The following ANK3 variants were observed in gnomAD, a reference collection of about 807,000 sequenced individuals.
ANK3 encodes the protein ankyrin 3, also known as ankyrin-3.
ANK3 carries 57 observed loss-of-function variants against 370.9 expected under a neutral mutation model. That is an observed-to-expected ratio of 0.15 (90% CI 0.12 to 0.19). The LOEUF (loss-of-function observed/expected upper bound fraction) is 0.19. ANK3 is among the 10% of genes least tolerant of loss of function. ANK3 has a pLI of 1.00. For missense variants in ANK3, 4,439 were observed against 5,302.1 expected (o/e 0.84, Z 5.06); for synonymous variants, 1,929 against 1,946.3 (o/e 0.99, Z 0.23).
chr10:60,498,387 C>CTTTTTA (rs1166385509), intron 2 of ANK3, among the ~76,000 whole-genome samples: 1 of 152,086 alleles, frequency 6.6e-6, no homozygotes, highest in Non-Finnish European at 1.5e-5. Flanking sequence ...ACTTCATGAC[C>CTTTTTA]TTTTTATTTT....
intron 26 of ANK3, among the ~76,000 whole-genome samples, chr10:60,112,718 C>T (rs1054280650): frequency 2.6e-5 from 4 of 152,036 alleles, no homozygotes; most frequent in Admixed American, 2.6e-4. Flanking sequence ...ATAAATGAGA[C>T]AATACATGTA....
chr10:60,317,408 G>A (rs1464891142), intron 1 of ANK3, among the ~76,000 whole-genome samples: 1 of 152,120 alleles, frequency 6.6e-6, no homozygotes, highest in Non-Finnish European at 1.5e-5. Flanking sequence ...ACAGGCATGA[G>A]CCACTGTGCC....
chr10:60,177,747 G>A (rs1185031534), intron 18 of ANK3, among the ~76,000 whole-genome samples: 2 of 151,764 alleles, frequency 1.3e-5, no homozygotes, highest in East Asian at 1.9e-4. Flanking sequence ...ACAGGCACCC[G>A]CCACCATGCC....
Position 60,614,719 on chromosome 10 carries a change from C to T in ANK3, c.96+467G>A, listed in dbSNP as rs139179188. 7.2e-5 allele frequency among the ~76,000 whole-genome samples: 11 copies of T among 152,326 alleles called. No individual in the cohort carries two copies. In the East Asian group the frequency reaches 9.6e-4, roughly 13 times the overall value. On this transcript the variant is annotated intron_variant, in intron 2 of 43. Coordinates refer to the ANK3 transcript ENST00000373827. ...TTCACTATTAAAATAATTGAAGTGACTCTCCTTTTTCTAATTCCAGATCTA... is the reference window on the plus strand; with the variant it reads ...TTCACTATTAAAATAATTGAAGTGATTCTCCTTTTTCTAATTCCAGATCTA...
At chr10:60,403,656 C>T (rs993180099) in intron 2 of ANK3, among the ~76,000 whole-genome samples, 9 of 152,214 alleles carry the variant, frequency 5.9e-5, no homozygotes, top group East Asian at 1.9e-4. Flanking sequence ...GGCGCGATCT[C>T]GGCTCATTGC....
At position 60,072,288 on chromosome 10, in the gene ANK3, A is replaced by C; in HGVS notation, c.8593T>G (p.Ser2865Ala). 1 of 1,614,052 alleles carries C rather than the reference A, an allele frequency of 6.2e-7. No individual in the cohort carries two copies. The highest frequency in any genetic ancestry group is 8.5e-7 in the Non-Finnish European group (1 of 1,180,002). Reference protein sequence around the residue: ...WESSGATNNKSQKEKLSHVLV... With the variant: ...WESSGATNNKAQKEKLSHVLV... Reference sequence around the variant, plus strand: ...ACATGCGAAAGTTTTTCTTTCTGAGACTTATTGTTAGTGGCTCCCGAACTC... The same window carrying C: ...ACATGCGAAAGTTTTTCTTTCTGAGCCTTATTGTTAGTGGCTCCCGAACTC... Residue 2865 changes from serine to alanine, a missense_variant, in exon 37 of 44, where the codon TCT becomes GCT. Physicochemically the swap from Ser to Ala is moderately conservative, Grantham distance 99. Transcript: ENST00000280772.
intron 25 of ANK3, among the ~76,000 whole-genome samples, chr10:60,115,066 G>A (rs186942848): frequency 6.4e-4 from 97 of 152,312 alleles, no homozygotes; most frequent in African/African-American, 2.3e-3. Flanking sequence ...GAATTCCGAA[G>A]CTGTGCAGAA....
At chr10:60,304,754 G>A (rs528564015) in intron 1 of ANK3, among the ~76,000 whole-genome samples, 1 of 152,274 alleles carries the variant, frequency 6.6e-6, no homozygotes, top group Admixed American at 6.5e-5. Flanking sequence ...TTTGAAAATT[G>A]AGAGACTGCA....
chr10:60,064,049 A>ATTAC, intron 39 of ANK3, 108 bp downstream of exon 39: 1 of 1,072,786 alleles, frequency 9.3e-7, no homozygotes, highest in African/African-American at 1.7e-5. Flanking sequence ...TTCTATATTA[A>ATTAC]AGATTACAGA....
rs72807905 is a variant in ANK3, at chr10:60,457,401, G to T, written c.96+157785C>A. 5.3e-3 allele frequency among the ~76,000 whole-genome samples: 800 copies of T among 152,266 alleles called. 4 individuals carry two copies. The highest frequency in any genetic ancestry group is 9.1e-3 in the South Asian group (44 of 4,818). On this transcript the variant is annotated intron_variant, in intron 2 of 43. Coordinates refer to the ANK3 transcript ENST00000373827. ...TTGAAGGAAATGAGGAGAAGATAAA[G>T]GCTCTGCCAGTTCTGGCAGAAGATG... is the stretch of plus-strand genomic sequence containing the variant.
At chr10:60,261,503 C>T (rs368379522) in intron 7 of ANK3, among the ~76,000 whole-genome samples, 2 of 152,212 alleles carry the variant, frequency 1.3e-5, no homozygotes, top group East Asian at 1.9e-4. Flanking sequence ...AGACCCTGAT[C>T]TCTAGAGCAC....
At chr10:60,192,750 C>T (rs1017255574) in intron 16 of ANK3, among the ~76,000 whole-genome samples, 6 of 152,098 alleles carry the variant, frequency 3.9e-5, no homozygotes, top group African/African-American at 1.2e-4. Context: ...ACAATGTACA[C>T]ATTTTGGGTG....
intron 9 of ANK3, 103 bp downstream of exon 9, chr10:60,213,309 C>G (rs2096884810): frequency 2.6e-6 from 2 of 757,664 alleles, no homozygotes; most frequent in Non-Finnish European, 4.4e-6. Context: ...ACTACTCTGA[C>G]TGCTACATTG....
At chr10:60,312,709 T>TA (rs1013578181) in intron 1 of ANK3, among the ~76,000 whole-genome samples, 22 of 152,200 alleles carry the variant, frequency 1.4e-4, no homozygotes, top group Admixed American at 2.6e-4. Context: ...TTATTAGGGT[T>TA]AAAAAAAGCT....
At chr10:60,251,424 G>A (rs1457444476) in intron 7 of ANK3, among the ~76,000 whole-genome samples, 1 of 152,164 alleles carries the variant, frequency 6.6e-6, no homozygotes, top group Non-Finnish European at 1.5e-5. Context: ...TCTGATGGGT[G>A]CATCACTGGC....
intron 1 of ANK3, among the ~76,000 whole-genome samples, chr10:60,693,081 C>T (rs2079380705): frequency 6.6e-6 from 1 of 152,204 alleles, no homozygotes; most frequent in South Asian, 2.1e-4. Context: ...CGAGGCATTG[C>T]CTCACTCGGG....
intron 1 of ANK3, among the ~76,000 whole-genome samples, chr10:60,628,713 A>G (rs2078442820): frequency 6.6e-6 from 1 of 152,218 alleles, no homozygotes; most frequent in African/African-American, 2.4e-5. Flanking sequence ...TCACAACATT[A>G]AAATTGTAAA....
At chr10:60,058,483 C>T (rs1010185443) in intron 41 of ANK3, among the ~76,000 whole-genome samples, 2 of 152,052 alleles carry the variant, frequency 1.3e-5, no homozygotes, top group African/African-American at 2.4e-5. Context: ...AAATAAGACT[C>T]GTGGAAAAAT....
intron 10 of ANK3, among the ~76,000 whole-genome samples, chr10:60,206,656 A>G (rs1369392087): frequency 6.6e-6 from 1 of 152,198 alleles, no homozygotes; most frequent in Admixed American, 6.5e-5. Flanking sequence ...CTCTAGCTTT[A>G]TGCTTCAAGT....
Sources: gnomAD v4.1 joint callset for allele counts (sites outside exome capture counted in the v4.1 genomes callset) on GRCh38, gnomAD v4.1.1 for gene constraint, MANE v1.5 for transcripts, NCBI Gene and HGNC (gene_info 2026-07-23, HGNC 2026-07-21) for gene names.